Variants in SBF2 observed in about 807,000 individuals in gnomAD.
SBF2 encodes SET binding factor 2.
A neutral mutation model predicts 225.2 loss-of-function variants in SBF2; 112 were observed. The ratio of observed to expected loss-of-function variants is 0.50; its 90% CI spans 0.43 to 0.58. SBF2 has a LOEUF of 0.58. Among genes scored for constraint, SBF2 ranks in the 20% least tolerant of loss-of-function variants. SBF2 has a pLI of 0.00. For missense variants in SBF2, 1,996 were observed against 2,206.2 expected (o/e 0.90, Z 1.91); for synonymous variants, 763 against 773.3 (o/e 0.99, Z 0.22).
chr11:9,999,805 C>T (rs971213453), intron 8 of SBF2, among the ~76,000 whole-genome samples: 15 of 152,188 alleles, frequency 9.9e-5, no homozygotes, highest in African/African-American at 2.4e-4. Context: ...GATGACTATA[C>T]GAATGAAAGT....
At chr11:10,091,382 C>T (rs965288739) in intron 2 of SBF2, among the ~76,000 whole-genome samples, 7 of 152,120 alleles carry the variant, frequency 4.6e-5, no homozygotes, top group African/African-American at 1.7e-4. Flanking sequence ...ATTATTCTAG[C>T]CTCTGTATGT....
chr11:9,849,921 G>T, intron 22 of SBF2, 102 bp downstream of exon 22: 2 of 1,150,162 alleles, frequency 1.7e-6, no homozygotes, highest in Non-Finnish European at 2.6e-6. Context: ...GCAAAAAGCT[G>T]ACTTTGGATT....
intron 1 of SBF2, among the ~76,000 whole-genome samples, chr11:10,274,473 C>G (rs937207361): frequency 6.6e-6 from 1 of 151,908 alleles, no homozygotes; most frequent in Non-Finnish European, 1.5e-5. Context: ...AAGTTTCAGC[C>G]AGAGTAGTCG....
intron 1 of SBF2, among the ~76,000 whole-genome samples, chr11:10,261,591 T>C (rs1276488290): frequency 2.0e-5 from 3 of 152,050 alleles, no homozygotes; most frequent in Non-Finnish European, 4.4e-5. Context: ...AAACTAAGCA[T>C]ACACCCACCT....
At chr11:10,244,950 C>CA (rs1480518662) in intron 1 of SBF2, among the ~76,000 whole-genome samples, 2 of 151,790 alleles carry the variant, frequency 1.3e-5, no homozygotes, top group Non-Finnish European at 2.9e-5. Context: ...GCCTGGACAA[C>CA]ACAGTGAAAC....
In SBF2 at chr11:10,294,101, C is replaced by A; in HGVS notation, c.-32G>T. On this transcript the variant is annotated 5_prime_UTR_variant, in exon 1 of 40. An upstream open reading frame in the 5' UTR gains an earlier in-frame stop. Transcript: ENST00000256190. ...CGCCGCCGCGCTCGGGAAGCGGGTC[C>A]CCGTCGCCGCCCTCGCCGCCGCCGC... 7.6e-7 allele frequency: 1 copy of A among 1,324,144 alleles called. No homozygotes were observed. The highest frequency in any genetic ancestry group is 3.2e-5 in the East Asian group (1 of 31,424). 82.0% of individuals were successfully genotyped at this position (1,324,144 alleles called of 1,614,324 possible).
Position 9,976,071 on chromosome 11 carries a change from TC to T in SBF2, c.1396-7527del, listed in dbSNP as rs1199446692. Among the ~76,000 whole-genome samples, 393 of 144,694 alleles carry T rather than the reference TC, an allele frequency of 2.7e-3. 1 individual carries two copies. The highest frequency in any genetic ancestry group is 3.7e-3 in the Non-Finnish European group (242 of 65,850). The allele number at this position is 144,694 out of a possible 152,430, so 94.9% of individuals were successfully genotyped here. ...CTCATATTCTTCTTCTTCTTCTTCT[TC>T]TTTTTTTTTTTTTTTTTTTGAGACG... On this transcript the variant is annotated intron_variant, in intron 13 of 39. Coordinates refer to ENST00000256190, the MANE Select transcript of SBF2 (RefSeq NM_030962.4).
At chr11:9,933,210 G>A (rs528564981) in intron 16 of SBF2, among the ~76,000 whole-genome samples, 2 of 152,070 alleles carry the variant, frequency 1.3e-5, no homozygotes, top group Admixed American at 6.5e-5. Context: ...AATAATAATG[G>A]GAGACTTCAA....
intron 2 of SBF2, among the ~76,000 whole-genome samples, chr11:10,097,715 T>C (rs930137298): frequency 1.3e-5 from 2 of 151,992 alleles, no homozygotes; most frequent in Non-Finnish European, 2.9e-5. Flanking sequence ...CTTAAATAAA[T>C]AGATGCATTG....
At chr11:9,924,277 CATGAG>C (rs1462926008) in intron 16 of SBF2, among the ~76,000 whole-genome samples, 1 of 152,148 alleles carries the variant, frequency 6.6e-6, no homozygotes, top group Non-Finnish European at 1.5e-5. Flanking sequence ...CAATAAATTA[CATGAG>C]ATATTTGACA....
At chr11:9,804,299 G>A (rs1853663868) in intron 32 of SBF2, among the ~76,000 whole-genome samples, 1 of 152,174 alleles carries the variant, frequency 6.6e-6, no homozygotes, top group Non-Finnish European at 1.5e-5. Flanking sequence ...CATAAAGCAA[G>A]CAGCCAGACC....
chr11:10,212,433 T>C (rs905429056), intron 1 of SBF2, among the ~76,000 whole-genome samples: 3 of 152,180 alleles, frequency 2.0e-5, no homozygotes, highest in Non-Finnish European at 4.4e-5. Flanking sequence ...GACCCCTTTC[T>C]TTAGGGAAGG....
intron 17 of SBF2, among the ~76,000 whole-genome samples, chr11:9,869,283 T>TC (rs1379307642): frequency 1.3e-4 from 20 of 152,154 alleles, no homozygotes; most frequent in African/African-American, 4.6e-4. Flanking sequence ...AAACAAACCC[T>TC]CCCAAAAAAT....
At chr11:9,798,523 C>G (rs1301268107) in intron 32 of SBF2, among the ~76,000 whole-genome samples, 2 of 152,282 alleles carry the variant, frequency 1.3e-5, no homozygotes, top group Non-Finnish European at 2.9e-5. Context: ...GACAACTGCC[C>G]CAACAGCCCT....
chr11:10,100,872 T>TG (rs1307658351), intron 2 of SBF2, among the ~76,000 whole-genome samples: 1 of 152,162 alleles, frequency 6.6e-6, no homozygotes, highest in African/African-American at 2.4e-5. Context: ...TCAGCCCCTT[T>TG]GGGGGTCTCA....
At chr11:10,268,167 T>G (rs536004723) in intron 1 of SBF2, among the ~76,000 whole-genome samples, 4 of 152,318 alleles carry the variant, frequency 2.6e-5, no homozygotes, top group Admixed American at 2.6e-4. Context: ...TTGATTTCTC[T>G]CTGTAAATGT....
chr11:9,939,990 C>T (rs1193389798), intron 16 of SBF2, among the ~76,000 whole-genome samples: 1 of 152,182 alleles, frequency 6.6e-6, no homozygotes, highest in African/African-American at 2.4e-5. Context: ...GACACTGAAT[C>T]TCTTGATATT....
intron 1 of SBF2, among the ~76,000 whole-genome samples, chr11:10,216,575 A>G (rs984074353): frequency 1.3e-5 from 2 of 152,258 alleles, no homozygotes; most frequent in Non-Finnish European, 2.9e-5. Flanking sequence ...AAAGGATTAA[A>G]AAGTAAAAAG....
intron 13 of SBF2, among the ~76,000 whole-genome samples, chr11:9,975,155 A>G (rs1282058756): frequency 6.6e-6 from 1 of 151,918 alleles, no homozygotes; most frequent in Non-Finnish European, 1.5e-5. Context: ...CCAGCCTCCC[A>G]CTCCTAGGTA....
Sources: allele counts gnomAD v4.1 joint callset (sites outside exome capture counted in the v4.1 genomes callset), GRCh38; gene constraint gnomAD v4.1.1; transcripts MANE v1.5; gene names NCBI Gene and HGNC (gene_info 2026-07-23, HGNC 2026-07-21).